Variants in MAPKAP1 observed in about 807,000 individuals in gnomAD.
The protein encoded by MAPKAP1 is MAPK associated protein 1, also known as target of rapamycin complex 2 subunit MAPKAP1.
In MAPKAP1, 20 loss-of-function variants were observed where a neutral mutation model predicts 65.7. The ratio of observed to expected loss-of-function variants is 0.30; its 90% CI spans 0.21 to 0.44. MAPKAP1 has a LOEUF of 0.44. Ranked by LOEUF, MAPKAP1 falls within the 20% of genes least tolerant of loss-of-function variation. The pLI is 1.00. For missense variants in MAPKAP1, 423 were observed against 648.0 expected (o/e 0.65, Z 3.77); for synonymous variants, 222 against 244.3 (o/e 0.91, Z 0.85).
chr9:125,645,360 G>A (rs960730502), intron 4 of MAPKAP1, among the ~76,000 whole-genome samples: 7 of 152,166 alleles, frequency 4.6e-5, no homozygotes, highest in African/African-American at 1.4e-4. Flanking sequence ...CAGTGAGAAC[G>A]CAGATGACAA....
intron 7 of MAPKAP1, among the ~76,000 whole-genome samples, chr9:125,519,160 GCT>G (rs959280776): frequency 6.6e-6 from 1 of 152,140 alleles, no homozygotes; most frequent in African/African-American, 2.4e-5. Context: ...AGGCTCAGTG[GCT>G]CTGGAGAGAG....
chr9:125,512,291 G>A (rs761865735), intron 7 of MAPKAP1, among the ~76,000 whole-genome samples: 15 of 152,212 alleles, frequency 9.9e-5, no homozygotes, highest in Admixed American at 8.5e-4. Flanking sequence ...CTAGAGACCC[G>A]TGGGAGAAAC....
At chr9:125,575,386 T>C (rs773996365) in intron 5 of MAPKAP1, among the ~76,000 whole-genome samples, 5 of 152,108 alleles carry the variant, frequency 3.3e-5, no homozygotes, top group Non-Finnish European at 7.4e-5. Flanking sequence ...CTTGATGAGA[T>C]AAGCCCTCAA....
intron 1 of MAPKAP1, among the ~76,000 whole-genome samples, chr9:125,699,290 C>G (rs1835526485): frequency 6.6e-6 from 1 of 152,058 alleles, no homozygotes; most frequent in South Asian, 2.1e-4. Context: ...CTCACTGCAG[C>G]CTTGACACCC....
chr9:125,621,011 C>T (rs1294547812), intron 4 of MAPKAP1, among the ~76,000 whole-genome samples: 1 of 152,010 alleles, frequency 6.6e-6, no homozygotes, highest in African/African-American at 2.4e-5. Flanking sequence ...GTGGCTGATG[C>T]CTTTAATCCC....
At chr9:125,540,699 G>A (rs796707713) in intron 7 of MAPKAP1, among the ~76,000 whole-genome samples, 16 of 152,322 alleles carry the variant, frequency 1.1e-4, no homozygotes, top group African/African-American at 2.9e-4. Flanking sequence ...CTCAGGAAGT[G>A]CAGGATGACT....
intron 1 of MAPKAP1, among the ~76,000 whole-genome samples, chr9:125,681,830 G>A (rs1169196785): frequency 6.6e-6 from 1 of 152,210 alleles, no homozygotes; most frequent in Non-Finnish European, 1.5e-5. Context: ...GAGTGCAGTT[G>A]TGTGATCACA....
At chr9:125,603,485 G>T (rs1832363678) in intron 4 of MAPKAP1, among the ~76,000 whole-genome samples, 1 of 152,152 alleles carries the variant, frequency 6.6e-6, no homozygotes, top group African/African-American at 2.4e-5. Flanking sequence ...TCCATCTCAG[G>T]TTGCAATTAT....
At chr9:125,482,127 T>C (rs1854340069) in intron 9 of MAPKAP1, among the ~76,000 whole-genome samples, 2 of 84,168 alleles carry the variant, frequency 2.4e-5, no homozygotes, top group African/African-American at 8.9e-5. Flanking sequence ...AGCAAAACTC[T>C]GTCTAAAAAA....
chr9:125,478,755 G>A (rs1042978274), intron 9 of MAPKAP1, among the ~76,000 whole-genome samples: 12 of 152,218 alleles, frequency 7.9e-5, no homozygotes, highest in African/African-American at 2.7e-4. Flanking sequence ...TGACTGAGGT[G>A]TGGGAGAGTT....
chr9:125,464,699 G>T (rs1418871618), intron 10 of MAPKAP1, among the ~76,000 whole-genome samples: 1 of 152,214 alleles, frequency 6.6e-6, no homozygotes, highest in African/African-American at 2.4e-5. Flanking sequence ...GAGAGCCACA[G>T]AACTGTTGTT....
chr9:125,520,840 C>T (rs1473555210), intron 7 of MAPKAP1, among the ~76,000 whole-genome samples: 1 of 152,212 alleles, frequency 6.6e-6, no homozygotes, highest in Non-Finnish European at 1.5e-5. Context: ...CCAACTCTGA[C>T]TGGGTTTCCT....
chr9:125,440,714 G>A (rs1041981660), intron 11 of MAPKAP1, among the ~76,000 whole-genome samples: 5 of 152,242 alleles, frequency 3.3e-5, no homozygotes, highest in African/African-American at 1.2e-4. Context: ...CAGAAGGCCT[G>A]ACACGCTCTG....
At chr9:125,632,881 G>GC (rs1358456344) in intron 4 of MAPKAP1, among the ~76,000 whole-genome samples, 1 of 152,188 alleles carries the variant, frequency 6.6e-6, no homozygotes, top group Non-Finnish European at 1.5e-5. Context: ...CAGCTTGCGT[G>GC]CAAGAATACT....
chr9:125,510,493 G>C (rs1829264923), intron 7 of MAPKAP1, among the ~76,000 whole-genome samples: 1 of 152,164 alleles, frequency 6.6e-6, no homozygotes, highest in South Asian at 2.1e-4. Context: ...GACCAGACAT[G>C]ATCACCTTGT....
chr9:125,525,261 G>A (rs768137300), intron 7 of MAPKAP1, among the ~76,000 whole-genome samples: 2 of 152,158 alleles, frequency 1.3e-5, no homozygotes, highest in African/African-American at 4.8e-5. Context: ...TTGGTGCTTT[G>A]CAAGGATCGC....
chr9:125,506,203 C>T (rs1829134166), intron 8 of MAPKAP1, 107 bp downstream of exon 8: 11 of 928,758 alleles, frequency 1.2e-5, no homozygotes, highest in South Asian at 6.7e-5. Context: ...AAAACAGTCA[C>T]TTCAAATCTG....
intron 1 of MAPKAP1, among the ~76,000 whole-genome samples, chr9:125,702,229 T>C (rs1835620722): frequency 6.6e-6 from 1 of 152,110 alleles, no homozygotes; most frequent in Admixed American, 6.5e-5. Context: ...AGACACCATC[T>C]CTACAAAATT....
intron 8 of MAPKAP1, among the ~76,000 whole-genome samples, chr9:125,502,151 G>C (rs1589240410): frequency 2.0e-5 from 3 of 151,392 alleles, no homozygotes; most frequent in South Asian, 4.2e-4. Flanking sequence ...GCCCAGGCTG[G>C]AGTGTAGTGG....
Sources: allele counts gnomAD v4.1 joint callset (sites outside exome capture counted in the v4.1 genomes callset), GRCh38; gene constraint gnomAD v4.1.1; transcripts MANE v1.5; gene names NCBI Gene and HGNC (gene_info 2026-07-23, HGNC 2026-07-21).